TRIP13: variants seen among roughly 807,000 people sequenced by gnomAD.
TRIP13 encodes the protein pachytene checkpoint protein 2 homolog.
A neutral mutation model predicts 54.4 loss-of-function variants in TRIP13; 25 were observed. The ratio of observed to expected loss-of-function variants is 0.46; its 90% CI spans 0.33 to 0.64. The LOEUF (loss-of-function observed/expected upper bound fraction) is 0.64. Ranked by LOEUF, TRIP13 falls within the 30% of genes least tolerant of loss-of-function variation. TRIP13 has a pLI of 0.02. For missense variants in TRIP13, 373 were observed against 534.2 expected (o/e 0.70, Z 2.97); for synonymous variants, 207 against 207.8 (o/e 1.00, Z 0.03).
Position 912,118 on chromosome 5 carries a change from T to C in TRIP13, c.1020+122T>C. ...GATTTCAACATATGCATTAACTCCCTTCTTAAATTGAAAACTAGTTTTGTA... is the reference window on the plus strand; with the variant it reads ...GATTTCAACATATGCATTAACTCCCCTCTTAAATTGAAAACTAGTTTTGTA... On this transcript the variant is annotated intron_variant, in intron 10 of 12. Coordinates refer to ENST00000166345, the MANE Select transcript of TRIP13 (RefSeq NM_004237.4). The surrounding 1 kb of genome is among the most constrained non-coding windows in gnomAD (Gnocchi z 7.2). 1.6e-6 allele frequency: 2 copies of C among 1,263,056 alleles called. No homozygotes were observed. The highest frequency in any genetic ancestry group is 2.2e-6 in the Non-Finnish European group (2 of 926,888). 78.2% of individuals were successfully genotyped at this position (1,263,056 alleles called of 1,614,324 possible).
In TRIP13 at chr5:915,686, G is replaced by A. The variant is rs1754327361; in HGVS notation, c.1134-218G>A. On this transcript the variant is annotated intron_variant, in intron 11 of 12. Coordinates refer to ENST00000166345, the MANE Select transcript of TRIP13 (RefSeq NM_004237.4). This position sits in a 1 kb window ranked among gnomAD's most constrained non-coding sequence, Gnocchi z 4.2. ...CTCCCAGAGCAGGAGCTGAGGATGGGGAGAGACCGGCCCCATACGAGAGGC... is the reference window on the plus strand; with the variant it reads ...CTCCCAGAGCAGGAGCTGAGGATGGAGAGAGACCGGCCCCATACGAGAGGC... Among the ~76,000 whole-genome samples, 1 of 152,210 alleles carries A rather than the reference G, an allele frequency of 6.6e-6. No individual in the cohort carries two copies. Among genetic ancestry groups the A allele is most frequent in the South Asian group, 2.1e-4 (1 of 4,832 alleles).
chr5:895,591 C>A, intron 2 of TRIP13, among the ~76,000 whole-genome samples: 1 of 152,170 alleles, frequency 6.6e-6, no homozygotes, highest in South Asian at 2.1e-4. Context: ...CCCATTCATA[C>A]GTTAGGACTC....
At chr5:903,822 G>A (rs927945720) in intron 5 of TRIP13, among the ~76,000 whole-genome samples, 1 of 152,194 alleles carries the variant, frequency 6.6e-6, no homozygotes, top group African/African-American at 2.4e-5. Flanking sequence ...TGTCAGCAAA[G>A]ATGTAGGCTA....
At chr5:896,182 G>A (rs7730362) in intron 2 of TRIP13, among the ~76,000 whole-genome samples, 3,414 of 152,224 alleles carry the variant, frequency 0.022, 126 homozygotes, top group African/African-American at 0.074. Flanking sequence ...GTGCGGTGGC[G>A]CACACTTGTA....
At chr5:893,421 C>T (rs1472870415) in intron 1 of TRIP13, among the ~76,000 whole-genome samples, 1 of 152,244 alleles carries the variant, frequency 6.6e-6, no homozygotes, top group East Asian at 1.9e-4. Flanking sequence ...TGATGTGGCC[C>T]TGAGTCCCAC....
In TRIP13 at chr5:915,806, C is replaced by A; in HGVS notation, c.1134-98C>A. The A allele has an allele frequency of 7.5e-7, 1 of 1,331,660 alleles. No homozygotes were observed. Among genetic ancestry groups the A allele is most frequent in the Non-Finnish European group, 1.1e-6 (1 of 927,294 alleles). 82.5% of individuals were successfully genotyped at this position (1,331,660 alleles called of 1,614,324 possible). ...CCAGGGTGTGCTTGGGACGCCTCGG[C>A]TTGTGTTCCCAGGGATGCCTCGGCC... On this transcript the variant is annotated intron_variant, in intron 11 of 12. Coordinates refer to ENST00000166345, the MANE Select transcript of TRIP13 (RefSeq NM_004237.4). The surrounding 1 kb of genome is among the most constrained non-coding windows in gnomAD (Gnocchi z 4.2).
chr5:896,720 A>G lies in TRIP13; in HGVS notation c.314A>G (p.Asp105Gly). 2 of 1,613,968 alleles carry G rather than the reference A, an allele frequency of 1.2e-6. No individual in the cohort carries two copies. Among genetic ancestry groups the G allele is most frequent in the Non-Finnish European group, 1.7e-6 (2 of 1,179,900 alleles). Residue 105 changes from aspartate to glycine, a missense_variant, in exon 3 of 13, where the codon GAT becomes GGT. This residue lies in a region of TRIP13 where 151 missense variants were observed against 151.9 expected (regional missense o/e 0.99). Transcript: ENST00000166345. ...CTTCACATTTTCCAGCTGAATGAAG[A>G]TGGCCCCAGCAGTGAAAATCTGGAG... ...VALHIFQLNE[D>G]GPSSENLEEE...
intron 4 of TRIP13, 101 bp from the exon 5 acceptor site, chr5:901,240 C>T (rs1338004201): frequency 5.8e-6 from 6 of 1,026,516 alleles, no homozygotes; most frequent in Non-Finnish European, 8.7e-6. Flanking sequence ...TCCCTGTGCT[C>T]CCTCTTCTCA....
At position 911,819 on chromosome 5, in the gene TRIP13, GTGCT is replaced by G; in HGVS notation, c.867-18_867-15del. ...GTCACCGACAGCCGTGATGACTGTG[GTGCT>G]TGCTTCTCGGCCACAACAGGCATTC... is the stretch of plus-strand genomic sequence containing the variant. On this transcript the variant is annotated intron_variant, in intron 9 of 12. Transcript: ENST00000166345. This position sits in a 1 kb window ranked among gnomAD's most constrained non-coding sequence, Gnocchi z 4.7. 1 of 1,601,758 alleles carries G rather than the reference GTGCT, an allele frequency of 6.2e-7. No individual in the cohort carries two copies. Among genetic ancestry groups the G allele is most frequent in the Non-Finnish European group, 8.5e-7 (1 of 1,174,076 alleles).
Position 915,878 on chromosome 5 carries a change from C to T in TRIP13, c.1134-26C>T, listed in dbSNP as rs181515895. ...AACGTGTGATTGTATAAATTGCTGT[C>T]TCTGAACTGGGTTTTCTTTACACAG... On this transcript the variant is annotated intron_variant, in intron 11 of 12. Coordinates refer to ENST00000166345, the MANE Select transcript of TRIP13 (RefSeq NM_004237.4). This position sits in a 1 kb window ranked among gnomAD's most constrained non-coding sequence, Gnocchi z 4.2. 4.3e-6 allele frequency: 7 copies of T among 1,613,290 alleles called. No individual in the cohort carries two copies. The highest frequency in any genetic ancestry group is 1.3e-5 in the African/African-American group (1 of 74,914).
At position 913,718 on chromosome 5, in the gene TRIP13, G is replaced by A. The variant is rs990037883; in HGVS notation, c.1021-747G>A. ...ATTAAGACATGCAGATGTCACAGTG[G>A]ATATTGAACTGGTCTCGAAAGCTCA... On this transcript the variant is annotated intron_variant, in intron 10 of 12. Transcript: ENST00000166345. This position sits in a 1 kb window ranked among gnomAD's most constrained non-coding sequence, Gnocchi z 4.5. 2.0e-5 allele frequency among the ~76,000 whole-genome samples: 3 copies of A among 152,136 alleles called. No individual in the cohort carries two copies. The highest frequency in any genetic ancestry group is 7.2e-5 in the African/African-American group (3 of 41,422).
chr5:895,202 A>T (rs1753888917), intron 2 of TRIP13, among the ~76,000 whole-genome samples: 2 of 152,186 alleles, frequency 1.3e-5, no homozygotes. Context: ...GCAGTGCTGT[A>T]CAATAGTGGG....
At chr5:902,902 A>G (rs72703177) in intron 5 of TRIP13, among the ~76,000 whole-genome samples, 5,210 of 151,410 alleles carry the variant, frequency 0.034, 131 homozygotes, top group Non-Finnish European at 0.049. Flanking sequence ...AAACAGAGAG[A>G]CGGCTTACAC....
Position 909,592 on chromosome 5 carries a change from G to GAC in TRIP13, c.866+1145_866+1146dup, listed in dbSNP as rs533804271. Among the ~76,000 whole-genome samples, 576 of 152,086 alleles carry GAC rather than the reference G, an allele frequency of 3.8e-3. 3 individuals carry two copies. The highest frequency in any genetic ancestry group is 0.027 in the South Asian group (131 of 4,810). On this transcript the variant is annotated intron_variant, in intron 9 of 12. Coordinates refer to ENST00000166345, the MANE Select transcript of TRIP13 (RefSeq NM_004237.4). Reference sequence around the variant, plus strand: ...ACCCAGCGGCGCTAGAGGAATTAAAGACACACACACACACAAATATAGAGG... The same window carrying GAC: ...ACCCAGCGGCGCTAGAGGAATTAAAGACACACACACACACACAAATATAGAGG...
At chr5:914,417 T>C (rs1008356420) in intron 10 of TRIP13, 48 bp from the exon 11 acceptor site, 29 of 1,407,040 alleles carry the variant, frequency 2.1e-5, no homozygotes, top group African/African-American at 4.2e-5. Flanking sequence ...GTGCCTACGC[T>C]CAGGCCTCTG....
chr5:893,212 G>T, intron 1 of TRIP13, 122 bp downstream of exon 1: 2 of 1,007,710 alleles, frequency 2.0e-6, no homozygotes, highest in Non-Finnish European at 1.4e-6. Flanking sequence ...TACTGATCCG[G>T]CCCGACTGGA....
At chr5:905,510 C>T (rs1235114162) in intron 6 of TRIP13, among the ~76,000 whole-genome samples, 1 of 152,210 alleles carries the variant, frequency 6.6e-6, no homozygotes, top group Admixed American at 6.5e-5. Context: ...TCTCTGTCTC[C>T]TCGACTCAGC....
chr5:896,907 A>G, intron 3 of TRIP13, 113 bp downstream of exon 3: 1 of 1,276,988 alleles, frequency 7.8e-7, no homozygotes, highest in South Asian at 1.6e-5. Flanking sequence ...GTAGGATTTT[A>G]GGATGTTTTC....
chr5:915,513 A>C lies in TRIP13; in HGVS notation c.1134-391A>C, dbSNP rs566141579. On this transcript the variant is annotated intron_variant, in intron 11 of 12. Coordinates refer to ENST00000166345, the MANE Select transcript of TRIP13 (RefSeq NM_004237.4). The surrounding 1 kb of genome is among the most constrained non-coding windows in gnomAD (Gnocchi z 4.2). Reference sequence around the variant, plus strand: ...GGCCCTGGGGCAGAGGCTCCCGGGCAGGTGATGCATTCCCTGAGCGCAAGG... The same window carrying C: ...GGCCCTGGGGCAGAGGCTCCCGGGCCGGTGATGCATTCCCTGAGCGCAAGG... Among the ~76,000 whole-genome samples, 5 of 149,662 alleles carry C rather than the reference A, an allele frequency of 3.3e-5. No individual in the cohort carries two copies. The East Asian group carries it at 7.8e-4, about 23-fold the overall frequency.
Sources: allele counts gnomAD v4.1 joint callset (sites outside exome capture counted in the v4.1 genomes callset), GRCh38; gene constraint gnomAD v4.1.1; regional missense constraint gnomAD v4.1.1; non-coding constraint Gnocchi (gnomAD v3.1); transcripts MANE v1.5; gene names NCBI Gene and HGNC (gene_info 2026-07-23, HGNC 2026-07-21).